Variants in POGLUT3 observed in about 807,000 individuals in gnomAD.
POGLUT3 encodes the protein protein O-glucosyltransferase 3.
In POGLUT3, 48 loss-of-function variants were observed where a neutral mutation model predicts 54.3. The ratio of observed to expected loss-of-function variants is 0.88; its 90% CI spans 0.70 to 1.12. POGLUT3 has a LOEUF of 1.12. POGLUT3 is among the 50% of genes most tolerant of loss of function. POGLUT3 has a pLI of 0.00. For missense variants in POGLUT3, 629 were observed against 618.7 expected (o/e 1.02, Z -0.18); for synonymous variants, 218 against 237.4 (o/e 0.92, Z 0.75).
At chr11:108,475,055 T>C in intron 7 of POGLUT3, 103 bp from the exon 8 acceptor site, 1 of 1,261,570 alleles carries the variant, frequency 7.9e-7, no homozygotes, top group Non-Finnish European at 1.1e-6. Flanking sequence ...TTCTAGTTGC[T>C]GTGTGTCTGC....
Position 108,481,240 on chromosome 11 carries a change from GA to G in POGLUT3, c.1037del (p.Phe346SerfsTer13). The G allele has an allele frequency of 6.2e-7, 1 of 1,611,344 alleles. No homozygotes were observed. The highest frequency in any genetic ancestry group is 1.1e-5 in the South Asian group (1 of 90,560). ...LDAGITGYFF[F>X]QEKEKELGKA... is the part of the protein sequence containing the mutation. Reference sequence around the variant, plus strand: ...TTCCAAGCTCCTTTTCTTTCTCTTGGAAAAAGAAATATCCTGTAATTCCTGC... The same window carrying G: ...TTCCAAGCTCCTTTTCTTTCTCTTGGAAAAGAAATATCCTGTAATTCCTGC... On this transcript the variant is annotated frameshift_variant, in exon 5 of 8. Coordinates refer to ENST00000323468, the MANE Select transcript of POGLUT3 (RefSeq NM_153705.5). LOFTEE classifies it high-confidence loss of function.
Position 108,479,388 on chromosome 11 carries a change from A to G in POGLUT3, c.1206T>C (p.His402=), listed in dbSNP as rs747465606. The part of the protein sequence containing the change: ...VLKQDSPYYE[H]FYMALEPWKH... Reference sequence around the variant, plus strand: ...TCCAAGGTTCTAGTGCCATGTAGAAATGTTCATAATATGGCGAGTCCTGCT... The same window carrying G: ...TCCAAGGTTCTAGTGCCATGTAGAAGTGTTCATAATATGGCGAGTCCTGCT... Residue 402 remains histidine, a synonymous_variant, in exon 6 of 8, where the codon CAT becomes CAC. Transcript: ENST00000323468. 2.5e-6 allele frequency: 4 copies of G among 1,612,874 alleles called. No homozygotes were observed. The highest frequency in any genetic ancestry group is 3.4e-6 in the Non-Finnish European group (4 of 1,179,818).
chr11:108,481,499 T>A, intron 4 of POGLUT3, 123 bp from the exon 5 acceptor site: 2 of 728,858 alleles, frequency 2.7e-6, no homozygotes, highest in Non-Finnish European at 4.1e-6. Flanking sequence ...CAACTCATCT[T>A]CTAAAGTAGA....
intron 2 of POGLUT3, 60 bp from the exon 3 acceptor site, chr11:108,486,500 G>A (rs1213072703): frequency 6.7e-7 from 1 of 1,500,296 alleles, no homozygotes; most frequent in Non-Finnish European, 9.1e-7. Flanking sequence ...AACACAGGGA[G>A]TCACTTCTGT....
intron 2 of POGLUT3, among the ~76,000 whole-genome samples, chr11:108,490,438 C>T (rs550575018): frequency 1.3e-5 from 2 of 152,078 alleles, no homozygotes; most frequent in South Asian, 4.2e-4. Context: ...TAAGCTCAAG[C>T]CATCCACTCG....
At chr11:108,490,384 A>G (rs996630765) in intron 2 of POGLUT3, among the ~76,000 whole-genome samples, 1 of 152,036 alleles carries the variant, frequency 6.6e-6, no homozygotes. Context: ...TATTTTTAGT[A>G]GAGACGGGGT....
At chr11:108,495,912 T>C (rs1377203479) in intron 1 of POGLUT3, among the ~76,000 whole-genome samples, 1 of 152,190 alleles carries the variant, frequency 6.6e-6, no homozygotes, top group Non-Finnish European at 1.5e-5. Flanking sequence ...GGGTAAACCA[T>C]GCAGAATCAT....
At chr11:108,485,054 A>G (rs2093600237) in intron 3 of POGLUT3, among the ~76,000 whole-genome samples, 1 of 152,186 alleles carries the variant, frequency 6.6e-6, no homozygotes, top group South Asian at 2.1e-4. Flanking sequence ...AAATTCCCAG[A>G]GGCAAGTATG....
chr11:108,488,518 T>C (rs1251157159), intron 2 of POGLUT3, among the ~76,000 whole-genome samples: 2 of 152,048 alleles, frequency 1.3e-5, no homozygotes, highest in Non-Finnish European at 2.9e-5. Flanking sequence ...GAGCTGGCAG[T>C]CCAGGGAGAC....
intron 5 of POGLUT3, among the ~76,000 whole-genome samples, chr11:108,480,109 T>C (rs1212355757): frequency 1.3e-5 from 2 of 152,264 alleles, no homozygotes; most frequent in Non-Finnish European, 2.9e-5. Context: ...GTGCTGGGAT[T>C]ACAGGCGTGA....
intron 2 of POGLUT3, among the ~76,000 whole-genome samples, chr11:108,490,674 T>C (rs1053830074): frequency 3.3e-5 from 5 of 151,954 alleles, no homozygotes; most frequent in Non-Finnish European, 7.4e-5. Flanking sequence ...TAAATATTAA[T>C]AAAAATCCTT....
chr11:108,498,268 C>T lies in POGLUT3; in HGVS notation c.99G>A (p.Leu33=), dbSNP rs753174441. The change falls in exon 1 of 8, where the codon CTG becomes CTA. Residue 33 remains leucine (L), a synonymous_variant. Coordinates refer to ENST00000323468, the MANE Select transcript of POGLUT3 (RefSeq NM_153705.5). ...PEVLVSAPRS[L]VWGPGLQAAV... is the part of the protein sequence containing the mutation. ...CCGCCTGCAGCCCGGGCCCCCACAC[C>T]AGGCTCCGCGGCGCGCTGACCAGCA... is the stretch of plus-strand genomic sequence containing the variant. 2.0e-6 allele frequency: 3 copies of T among 1,496,278 alleles called. No homozygotes were observed. Among genetic ancestry groups the T allele is most frequent in the South Asian group, 2.5e-5 (2 of 78,814 alleles). 92.7% of individuals were successfully genotyped at this position (1,496,278 alleles called of 1,614,324 possible). A position where few individuals can be genotyped will look rare whatever the true frequency, so the allele number is the denominator to read the frequency against.
chr11:108,486,312 G>T lies in POGLUT3; in HGVS notation c.529C>A (p.Gln177Lys), dbSNP rs560949111. Residue 177 changes from glutamine (Q) to lysine (K), a missense_variant, in exon 3 of 8, where the codon CAA becomes AAA. By Grantham distance (53) the Gln-to-Lys change is moderately conservative. Transcript: ENST00000323468. ...CTTTTGGGGACTTCTTTTAGCATTT[G>T]CTGGAGATTGATGCTGGGAAAGGAA... Reference protein sequence around the residue: ...FASFPSINLQQMLKEVPKRFG... With the variant: ...FASFPSINLQKMLKEVPKRFG... The T allele has an allele frequency of 6.2e-7, 1 of 1,614,008 alleles. No individual in the cohort carries two copies. Among genetic ancestry groups the T allele is most frequent in the African/African-American group, 1.3e-5 (1 of 74,898 alleles).
chr11:108,486,738 C>A (rs766174786), intron 2 of POGLUT3: 34 of 318,058 alleles, frequency 1.1e-4, no homozygotes, highest in Non-Finnish European at 1.6e-4. Flanking sequence ...AACAACTTAC[C>A]TTTTAGCAAG....
intron 7 of POGLUT3, among the ~76,000 whole-genome samples, chr11:108,475,454 G>GTT (rs1182179068): frequency 0.027 from 2,960 of 108,692 alleles, 146 homozygotes; most frequent in Non-Finnish European, 0.032. Flanking sequence ...TATAAATGGA[G>GTT]TTTTTTTTGT....
chr11:108,475,050 G>A (rs2093578032), intron 7 of POGLUT3, 98 bp from the exon 8 acceptor site: 4 of 1,289,506 alleles, frequency 3.1e-6, no homozygotes, highest in Non-Finnish European at 3.3e-6. Context: ...ATCTTTTCTA[G>A]TTGCTGTGTG....
intron 7 of POGLUT3, among the ~76,000 whole-genome samples, chr11:108,476,036 G>A (rs1164558692): frequency 6.6e-6 from 1 of 152,142 alleles, no homozygotes; most frequent in Non-Finnish European, 1.5e-5. Context: ...ACTAGTGGGA[G>A]GCTGAGGTGG....
chr11:108,475,953 A>G (rs1591638726), intron 7 of POGLUT3, among the ~76,000 whole-genome samples: 1 of 152,062 alleles, frequency 6.6e-6, no homozygotes, highest in African/African-American at 2.4e-5. Context: ...TTGAGGAACC[A>G]GGGAAACACG....
At chr11:108,481,889 T>A in intron 4 of POGLUT3, 117 bp downstream of exon 4, 5 of 757,524 alleles carry the variant, frequency 6.6e-6, no homozygotes, top group Non-Finnish European at 1.1e-5. Flanking sequence ...CCTAGGTTGG[T>A]CAGAATTTTC....
Sources: allele counts gnomAD v4.1 joint callset (sites outside exome capture counted in the v4.1 genomes callset), GRCh38; gene constraint gnomAD v4.1.1; transcripts MANE v1.5; gene names NCBI Gene and HGNC (gene_info 2026-07-23, HGNC 2026-07-21).